The following SPESP1 variants were observed in gnomAD, a reference collection of about 807,000 sequenced individuals.
SPESP1 encodes the protein sperm equatorial segment protein 1, also known as equatorial segment protein.
SPESP1 carries 1 observed loss-of-function variant against 3.1 expected under a neutral mutation model. The ratio of observed to expected loss-of-function variants is 0.33; its 90% confidence interval spans 0.12 to 1.54. The LOEUF is 1.54. Ranked by LOEUF, SPESP1 falls within the 40% of genes most tolerant of loss-of-function variation. The pLI, the probability that SPESP1 is intolerant of heterozygous loss-of-function variation, is 0.38. For missense variants in SPESP1, 398 were observed against 410.1 expected (o/e 0.97, Z 0.26); for synonymous variants, 138 against 150.7 (o/e 0.92, Z 0.62).
At chr15:68,945,013 C>T (rs1213035065) in intron 1 of SPESP1, among the ~76,000 whole-genome samples, 1 of 152,100 alleles carries the variant, frequency 6.6e-6, no homozygotes, top group Non-Finnish European at 1.5e-5. Flanking sequence ...CAGTAGCACA[C>T]CATTATATGC....
At chr15:68,945,071 GA>G (rs1190119986) in intron 1 of SPESP1, among the ~76,000 whole-genome samples, 2 of 152,118 alleles carry the variant, frequency 1.3e-5, no homozygotes, top group African/African-American at 4.8e-5. Context: ...CACAAGCATA[GA>G]AAATAGTAAA....
rs114627124 is a variant in SPESP1 at position 68,941,134 on chromosome 15, T to C, written c.65-4465T>C. Among the ~76,000 whole-genome samples, 1,261 of 152,172 alleles carry C rather than the reference T, an allele frequency of 8.3e-3. 19 individuals are homozygous for C. The highest frequency in any genetic ancestry group is 0.029 in the African/African-American group (1,204 of 41,534). Reference sequence around the variant, plus strand: ...TTTCCTGGCTGTTCTTATTTGTTCTTCCAAATAAACTTTATAATAAAATTT... The same window carrying C: ...TTTCCTGGCTGTTCTTATTTGTTCTCCCAAATAAACTTTATAATAAAATTT... On this transcript the variant is annotated intron_variant, in intron 1 of 1. Transcript: ENST00000310673.
intron 1 of SPESP1, 48 bp downstream of exon 1, chr15:68,930,765 A>T: frequency 3.1e-6 from 5 of 1,612,462 alleles, no homozygotes; most frequent in Non-Finnish European, 4.2e-6. Flanking sequence ...ACCCTGGGGG[A>T]ACTTCCCGAG....
intron 1 of SPESP1, among the ~76,000 whole-genome samples, chr15:68,934,450 G>A (rs745539066): frequency 1.3e-5 from 2 of 152,200 alleles, no homozygotes; most frequent in Non-Finnish European, 2.9e-5. Context: ...AGTGCCCAAG[G>A]CTACAGCATT....
chr15:68,941,651 G>T (rs936567679), intron 1 of SPESP1, among the ~76,000 whole-genome samples: 2 of 152,092 alleles, frequency 1.3e-5, no homozygotes, highest in African/African-American at 2.4e-5. Context: ...AAGAACATTT[G>T]TGACTGGATT....
At position 68,946,395 on chromosome 15, in the gene SPESP1, AC is replaced by A; in HGVS notation, c.862del (p.Arg288GlufsTer27). 1.2e-6 allele frequency: 2 copies of A among 1,614,150 alleles called. No homozygotes were observed. The highest frequency in any genetic ancestry group is 1.7e-6 in the Non-Finnish European group (2 of 1,180,028). The part of the protein sequence containing the change: ...MYKSQLLPVG[R>X]TSNKIDDIET... ...ATAAGTCCCAGTTATTGCCAGTAGGACGAACAAGTAATAAAATTGATGACAT... is the reference window on the plus strand; with the variant it reads ...ATAAGTCCCAGTTATTGCCAGTAGGAGAACAAGTAATAAAATTGATGACAT... On this transcript the variant is annotated frameshift_variant, in exon 2 of 2. Coordinates refer to ENST00000310673, the MANE Select transcript of SPESP1 (RefSeq NM_145658.4). LOFTEE classifies it low-confidence loss of function (END_TRUNC).
chr15:68,933,717 G>T (rs1241691812), intron 1 of SPESP1, among the ~76,000 whole-genome samples: 1 of 152,016 alleles, frequency 6.6e-6, no homozygotes, highest in Non-Finnish European at 1.5e-5. Context: ...AAATTAGCCA[G>T]ATGTGGTGGG....
chr15:68,930,834 C>A (rs2140414604), intron 1 of SPESP1, 117 bp downstream of exon 1: 1 of 1,514,960 alleles, frequency 6.6e-7, no homozygotes, highest in Non-Finnish European at 9.0e-7. Flanking sequence ...CTCCCTCCCC[C>A]ACTGTCCGGG....
intron 1 of SPESP1, among the ~76,000 whole-genome samples, chr15:68,941,139 A>G (rs1895812339): frequency 6.6e-6 from 1 of 152,066 alleles, no homozygotes; most frequent in South Asian, 2.1e-4. Context: ...GTTCTTCCAA[A>G]TAAACTTTAT....
At chr15:68,940,593 AT>A (rs1895795129) in intron 1 of SPESP1, among the ~76,000 whole-genome samples, 1 of 151,868 alleles carries the variant, frequency 6.6e-6, no homozygotes, top group Non-Finnish European at 1.5e-5. Context: ...TTCCCTTGCA[AT>A]TTAATTGTTG....
chr15:68,939,934 T>C (rs1895775842), intron 1 of SPESP1: 1 of 152,212 alleles, frequency 6.6e-6, no homozygotes, highest in Admixed American at 6.5e-5. Flanking sequence ...CTAATGGCAA[T>C]GTCTTTCTAA....
At position 68,946,078 on chromosome 15, in the gene SPESP1, A is replaced by C; in HGVS notation, c.544A>C (p.Thr182Pro). 1 of 1,614,196 alleles carries C rather than the reference A, an allele frequency of 6.2e-7. No individual in the cohort carries two copies. The stretch of plus-strand genomic sequence containing the variant: ...TGTTACCTCATACAAGTCACCTGTC[A>C]CCACTTTAGATAAGAGCACTGGCAT... Reference protein sequence around the residue: ...PYVTSYKSPVTTLDKSTGIGI... With the variant: ...PYVTSYKSPVPTLDKSTGIGI... The change falls in exon 2 of 2, where the codon ACC (threonine) becomes CCC (proline). Residue 182 changes from threonine (T) to proline (P), a missense_variant. By Grantham distance (38) the Thr-to-Pro change is conservative (BLOSUM62 -1). Coordinates refer to ENST00000310673, the MANE Select transcript of SPESP1 (RefSeq NM_145658.4).
At chr15:68,945,370 A>T (rs1399745577) in intron 1 of SPESP1, among the ~76,000 whole-genome samples, 1 of 152,230 alleles carries the variant, frequency 6.6e-6, no homozygotes, top group Non-Finnish European at 1.5e-5. Context: ...TGGTGTTAAT[A>T]TGCAACTTTT....
intron 1 of SPESP1, among the ~76,000 whole-genome samples, chr15:68,937,770 A>G (rs1399636909): frequency 6.6e-6 from 1 of 152,198 alleles, no homozygotes; most frequent in African/African-American, 2.4e-5. Context: ...AGGTTTTATC[A>G]TTTAAAAATA....
intron 1 of SPESP1, among the ~76,000 whole-genome samples, chr15:68,940,027 A>G (rs1164653812): frequency 6.6e-6 from 1 of 152,228 alleles, no homozygotes; most frequent in Non-Finnish European, 1.5e-5. Flanking sequence ...CAGATTAAAA[A>G]AACATTTTAT....
chr15:68,942,165 A>ATTTTTTTTTTTTT (rs1595721164), intron 1 of SPESP1, among the ~76,000 whole-genome samples: 1 of 133,744 alleles, frequency 7.5e-6, no homozygotes, highest in South Asian at 2.3e-4. Flanking sequence ...ACAACATCTT[A>ATTTTTTTTTTTTT]TTTCTTTTTT....
At position 68,945,774 on chromosome 15, in the gene SPESP1, T is replaced by G. The variant is rs1354538718; in HGVS notation, c.240T>G (p.His80Gln). The G allele has an allele frequency of 6.2e-7, 1 of 1,613,932 alleles. No homozygotes were observed. Among genetic ancestry groups the G allele is most frequent in the Non-Finnish European group, 8.5e-7 (1 of 1,179,996 alleles). Residue 80 changes from histidine to glutamine, a missense_variant, in exon 2 of 2, where the codon CAT becomes CAG. Transcript: ENST00000310673. ...CAAAATTTAAGGAGCTAGTTACACA[T>G]GGAGACGCTTCAACTGAGAATGATG... ...KGSKFKELVTHGDASTENDVL... is the reference protein window; with the variant it reads ...KGSKFKELVTQGDASTENDVL...
chr15:68,935,917 C>A (rs917089433), intron 1 of SPESP1, among the ~76,000 whole-genome samples: 1 of 152,152 alleles, frequency 6.6e-6, no homozygotes. Flanking sequence ...AAAATTTTAA[C>A]CTTCATAAAA....
chr15:68,941,416 G>T (rs1211681290), intron 1 of SPESP1, among the ~76,000 whole-genome samples: 1 of 152,144 alleles, frequency 6.6e-6, no homozygotes, highest in Non-Finnish European at 1.5e-5. Flanking sequence ...AGTTCTAGAG[G>T]CCAGAAGTCT....
Sources: allele counts gnomAD v4.1 joint callset (sites outside exome capture counted in the v4.1 genomes callset), GRCh38; gene constraint gnomAD v4.1.1; transcripts MANE v1.5; gene names NCBI Gene and HGNC (gene_info 2026-07-23, HGNC 2026-07-21).